COL21A1: variants seen among roughly 807,000 people sequenced by gnomAD.
COL21A1 encodes the protein collagen alpha-1(XXI) chain.
COL21A1 carries 149 observed loss-of-function variants against 137.9 expected under a neutral mutation model. The ratio of observed to expected loss-of-function variants is 1.08; its 90% CI spans 0.95 to 1.24. The LOEUF (loss-of-function observed/expected upper bound fraction) is 1.24, where lower values mean the gene tolerates loss of function less well. COL21A1 is among the 50% of genes most tolerant of loss of function. The probability of loss-of-function intolerance (pLI) is 0.00; values close to 1 mark genes in which losing one functional copy is unlikely to be tolerated. For synonymous variants in COL21A1, 456 were observed against 391.5 expected, an observed-to-expected ratio of 1.16 and a Z score of -1.95; for missense variants, 1,167 against 1,158.4, an observed-to-expected ratio of 1.01 and a Z score of -0.11.
At chr6:56,283,466 A>G (rs977564011) in intron 1 of COL21A1, among the ~76,000 whole-genome samples, 11 of 152,316 alleles carry the variant, frequency 7.2e-5, no homozygotes, top group Admixed American at 4.6e-4. Context: ...TACTTAAAAT[A>G]CACCAAGTTA....
chr6:56,076,797 G>C (rs559025764), intron 18 of COL21A1, among the ~76,000 whole-genome samples: 1 of 151,524 alleles, frequency 6.6e-6, no homozygotes, highest in South Asian at 2.1e-4. Context: ...CAGAAACAGA[G>C]AATGGAGCAG....
At chr6:56,069,678 ATC>A (rs1463000167) in intron 21 of COL21A1, among the ~76,000 whole-genome samples, 2 of 150,344 alleles carry the variant, frequency 1.3e-5, no homozygotes, top group African/African-American at 4.9e-5. Flanking sequence ...TTATCTTTTA[ATC>A]TCTAAATATA....
At chr6:56,124,194 T>C (rs770443438) in intron 15 of COL21A1, 45 bp downstream of exon 15, 2 of 1,553,626 alleles carry the variant, frequency 1.3e-6, no homozygotes, top group East Asian at 2.4e-5. Flanking sequence ...TAAGATAGAT[T>C]TTATTTAAAG....
At chr6:56,323,837 A>G (rs1384353840) in intron 1 of COL21A1, among the ~76,000 whole-genome samples, 1 of 152,146 alleles carries the variant, frequency 6.6e-6, no homozygotes, top group African/African-American at 2.4e-5. Flanking sequence ...AATTATTACT[A>G]TGATGTAGCC....
chr6:56,196,128 T>C (rs1779009444), intron 1 of COL21A1, among the ~76,000 whole-genome samples: 1 of 152,126 alleles, frequency 6.6e-6, no homozygotes, highest in Non-Finnish European at 1.5e-5. Flanking sequence ...TACGATCATC[T>C]AAATACATAC....
chr6:56,324,092 A>T (rs1764942024), intron 1 of COL21A1, among the ~76,000 whole-genome samples: 1 of 152,112 alleles, frequency 6.6e-6, no homozygotes, highest in Admixed American at 6.6e-5. Flanking sequence ...TGTAGGAAAT[A>T]AAAGTATGGC....
chr6:56,375,409 G>A (rs1467426130), intron 1 of COL21A1, among the ~76,000 whole-genome samples: 2 of 152,152 alleles, frequency 1.3e-5, no homozygotes, highest in African/African-American at 4.8e-5. Flanking sequence ...AGAAGGATAG[G>A]AGGAAAGTGA....
At chr6:56,183,045 A>C (rs1293324873) in intron 1 of COL21A1, among the ~76,000 whole-genome samples, 1 of 152,196 alleles carries the variant, frequency 6.6e-6, no homozygotes, top group African/African-American at 2.4e-5. Context: ...ACACTCAAAG[A>C]GTATTTAGTG....
chr6:56,157,624 G>T (rs1775859135), intron 9 of COL21A1, among the ~76,000 whole-genome samples: 2 of 152,048 alleles, frequency 1.3e-5, no homozygotes, highest in South Asian at 4.2e-4. Flanking sequence ...ATATCGTATA[G>T]GTTCTACATA....
chr6:56,214,270 G>A (rs1434002194), intron 1 of COL21A1, among the ~76,000 whole-genome samples: 2 of 151,946 alleles, frequency 1.3e-5, no homozygotes, highest in Admixed American at 6.6e-5. Context: ...GGCAATTTGG[G>A]CTAATTTCAA....
intron 1 of COL21A1, among the ~76,000 whole-genome samples, chr6:56,333,952 A>C (rs13205765): frequency 3.3e-5 from 5 of 151,788 alleles, no homozygotes; most frequent in Admixed American, 6.6e-5. Context: ...CCCATTTCTG[A>C]TTCTGTTGTT....
intron 1 of COL21A1, among the ~76,000 whole-genome samples, chr6:56,203,016 C>T (rs1403649383): frequency 2.0e-5 from 3 of 152,158 alleles, no homozygotes; most frequent in South Asian, 2.1e-4. Flanking sequence ...ATTCCTCTTA[C>T]ATTACATTAA....
chr6:56,138,165 A>AT (rs1774142033), intron 12 of COL21A1, among the ~76,000 whole-genome samples: 1 of 152,052 alleles, frequency 6.6e-6, no homozygotes, highest in African/African-American at 2.4e-5. Flanking sequence ...TGAAAACCCG[A>AT]TTGTAACAAC....
At chr6:56,153,554 GAAA>G (rs35787305) in intron 10 of COL21A1, among the ~76,000 whole-genome samples, 2 of 144,020 alleles carry the variant, frequency 1.4e-5, no homozygotes, top group Non-Finnish European at 1.5e-5. Flanking sequence ...ATATCTCTCA[GAAA>G]AAAAAAAAAT....
chr6:56,165,441 A>C (rs770261906), intron 7 of COL21A1, among the ~76,000 whole-genome samples: 2 of 152,226 alleles, frequency 1.3e-5, no homozygotes, highest in Admixed American at 6.5e-5. Flanking sequence ...AAAATCAGCT[A>C]TCTAAAGCTG....
rs535310147 is a variant in COL21A1, at chr6:56,121,541, TATATTC to T, written c.1758+2515_1758+2520del. Among the ~76,000 whole-genome samples the T allele has an allele frequency of 9.2e-3, 1,308 of 141,784 alleles. 18 individuals are homozygous for T. Among genetic ancestry groups the T allele is most frequent in the African/African-American group, 0.03 (1,146 of 38,664 alleles). The allele number at this position is 141,784 out of a possible 152,430, so 93.0% of individuals were successfully genotyped here. On this transcript the variant is annotated intron_variant, in intron 16 of 29. Coordinates refer to ENST00000244728, the MANE Select transcript of COL21A1 (RefSeq NM_030820.4). ...ATATATATACATATACATATATATG[TATATTC>T]ATATGTATATGTGTATATATATATA... is the stretch of plus-strand genomic sequence containing the variant.
chr6:56,295,243 G>A (rs1376374213), intron 1 of COL21A1, among the ~76,000 whole-genome samples: 1 of 151,900 alleles, frequency 6.6e-6, no homozygotes, highest in African/African-American at 2.4e-5. Context: ...CTTCGTCAAA[G>A]ATCAGTTGAC....
chr6:56,127,987 T>G (rs867083234), intron 12 of COL21A1, among the ~76,000 whole-genome samples: 13 of 152,072 alleles, frequency 8.5e-5, no homozygotes, highest in Admixed American at 2.0e-4. Context: ...TCCATCCCCA[T>G]CCATACGTCA....
At chr6:56,166,032 C>T (rs918024730) in intron 7 of COL21A1, among the ~76,000 whole-genome samples, 2 of 151,482 alleles carry the variant, frequency 1.3e-5, no homozygotes, top group South Asian at 2.1e-4. Context: ...AGAAACGCTG[C>T]TTATATTCTA....
Sources: gnomAD v4.1 joint callset for allele counts (sites outside exome capture counted in the v4.1 genomes callset) on GRCh38, gnomAD v4.1.1 for gene constraint, MANE v1.5 for transcripts, NCBI Gene and HGNC (gene_info 2026-07-23, HGNC 2026-07-21) for gene names.